CNTN5: variants seen among roughly 807,000 people sequenced by gnomAD.
CNTN5 encodes contactin 5.
Under a neutral mutation model 129.1 loss-of-function variants are expected in CNTN5, and 77 were observed. The observed-to-expected ratio is 0.60, with a 90% CI of 0.50 to 0.72. The LOEUF is 0.72. Among genes scored for constraint, CNTN5 ranks in the 30% least tolerant of loss-of-function variants. The probability of loss-of-function intolerance (pLI) is 0.00; values close to 1 mark genes in which losing one functional copy is unlikely to be tolerated. For missense variants in CNTN5, 1,478 were observed against 1,328.8 expected (o/e 1.11, Z -1.75); for synonymous variants, 509 against 465.6 (o/e 1.09, Z -1.20).
chr11:99,246,520 G>C (rs1306959802), intron 1 of CNTN5, among the ~76,000 whole-genome samples: 1 of 152,098 alleles, frequency 6.6e-6, no homozygotes, highest in Non-Finnish European at 1.5e-5. Context: ...CAAGTTCCTA[G>C]GTTGCAGCTA....
chr11:99,233,249 G>A (rs184242394), intron 1 of CNTN5, among the ~76,000 whole-genome samples: 1 of 152,228 alleles, frequency 6.6e-6, no homozygotes, highest in Non-Finnish European at 1.5e-5. Flanking sequence ...TTGGTGCTAA[G>A]GAATAATTAT....
intron 13 of CNTN5, among the ~76,000 whole-genome samples, chr11:100,137,356 CTATT>C (rs1320868361): frequency 1.3e-5 from 2 of 152,008 alleles, no homozygotes; most frequent in African/African-American, 4.8e-5. Context: ...ATACCAGAAA[CTATT>C]TATTCAACTA....
intron 3 of CNTN5, among the ~76,000 whole-genome samples, chr11:99,754,166 A>G (rs1431113463): frequency 6.6e-6 from 1 of 152,136 alleles, no homozygotes; most frequent in Non-Finnish European, 1.5e-5. Flanking sequence ...GTGTATCTTC[A>G]TTGATGATTG....
rs1334479574 is a variant in CNTN5 at position 99,531,035 on chromosome 11, C to T, written c.-70-25110C>T. Among the ~76,000 whole-genome samples the T allele has an allele frequency of 4.6e-5, 7 of 152,312 alleles. No individual in the cohort carries two copies. The South Asian group carries it at 1.2e-3, about 27-fold the overall frequency. On this transcript the variant is annotated intron_variant, in intron 2 of 24. Transcript: ENST00000524871. Reference sequence around the variant, plus strand: ...ACTGGGTAACAGGCAGAGGCTGGAACAGTTTGGAAGGCTCAGAAGAAGACA... The same window carrying T: ...ACTGGGTAACAGGCAGAGGCTGGAATAGTTTGGAAGGCTCAGAAGAAGACA...
intron 3 of CNTN5, among the ~76,000 whole-genome samples, chr11:99,599,335 C>T (rs973735185): frequency 1.3e-5 from 2 of 151,790 alleles, no homozygotes; most frequent in African/African-American, 2.4e-5. Flanking sequence ...GAGAAGAGAA[C>T]GATTTTCTGA....
At chr11:99,131,780 C>G (rs527322093) in intron 1 of CNTN5, among the ~76,000 whole-genome samples, 2 of 152,182 alleles carry the variant, frequency 1.3e-5, no homozygotes, top group South Asian at 4.2e-4. Context: ...TCAAAAAAAG[C>G]CCAGGCCCAG....
chr11:99,858,171 C>A (rs1309202925), intron 6 of CNTN5, among the ~76,000 whole-genome samples: 4 of 152,076 alleles, frequency 2.6e-5, no homozygotes, highest in African/African-American at 9.7e-5. Flanking sequence ...AATTGTCTTT[C>A]CTAGCTCACA....
intron 6 of CNTN5, among the ~76,000 whole-genome samples, chr11:99,870,856 G>A (rs1948487173): frequency 6.6e-6 from 1 of 151,930 alleles, no homozygotes; most frequent in Admixed American, 6.6e-5. Context: ...GAGAGGTTTT[G>A]TCTGATTTCT....
intron 15 of CNTN5, 87 bp downstream of exon 15, chr11:100,193,750 T>TAA: frequency 1.9e-6 from 2 of 1,071,590 alleles, no homozygotes; most frequent in South Asian, 1.7e-5. Flanking sequence ...TATGAAGTGC[T>TAA]AAGAAAAAAA....
intron 6 of CNTN5, 22 bp downstream of exon 6, chr11:99,845,284 T>A: frequency 6.6e-7 from 1 of 1,520,510 alleles, no homozygotes; most frequent in Non-Finnish European, 9.0e-7. Context: ...ATATGATTTT[T>A]CTATATATAT....
In CNTN5 at chr11:99,379,027, A is replaced by G. The variant is rs1006924599; in HGVS notation, c.-71+53543A>G. 3.3e-5 allele frequency among the ~76,000 whole-genome samples: 5 copies of G among 152,036 alleles called. No homozygotes were observed. The East Asian group carries it at 9.6e-4, about 29-fold the overall frequency. Reference sequence around the variant, plus strand: ...ATATTCAATAAAATACATACATAAAATAGCACTCATCTCTATGCCTATTGC... The same window carrying G: ...ATATTCAATAAAATACATACATAAAGTAGCACTCATCTCTATGCCTATTGC... On this transcript the variant is annotated intron_variant, in intron 2 of 24. Transcript: ENST00000524871.
intron 6 of CNTN5, among the ~76,000 whole-genome samples, chr11:99,893,551 T>A (rs1949121308): frequency 6.6e-6 from 1 of 152,154 alleles, no homozygotes; most frequent in Non-Finnish European, 1.5e-5. Flanking sequence ...CAATAATACC[T>A]AAAGCACTGC....
chr11:99,428,877 C>G (rs930336575), intron 2 of CNTN5, among the ~76,000 whole-genome samples: 3 of 151,930 alleles, frequency 2.0e-5, no homozygotes, highest in Non-Finnish European at 1.5e-5. Flanking sequence ...CTTTAAGGTT[C>G]AATAAATCAG....
chr11:99,586,172 C>T (rs2851594), intron 3 of CNTN5, among the ~76,000 whole-genome samples: 2 of 151,826 alleles, frequency 1.3e-5, no homozygotes, highest in Non-Finnish European at 2.9e-5. Flanking sequence ...CTCTTTCAAC[C>T]CATCCTGAAA....
chr11:99,028,755 A>G (rs1163178303), intron 1 of CNTN5, among the ~76,000 whole-genome samples: 2 of 152,036 alleles, frequency 1.3e-5, no homozygotes, highest in African/African-American at 4.8e-5. Flanking sequence ...TGCCATTTCT[A>G]TATGTTATAA....
chr11:99,202,140 TTGTA>T (rs1459634384), intron 1 of CNTN5, among the ~76,000 whole-genome samples: 1 of 152,238 alleles, frequency 6.6e-6, no homozygotes. Flanking sequence ...TAGACTTCTT[TTGTA>T]TTTCCTTTGA....
At chr11:99,025,887 C>T (rs574046890) in intron 1 of CNTN5, among the ~76,000 whole-genome samples, 18 of 151,432 alleles carry the variant, frequency 1.2e-4, no homozygotes, top group Middle Eastern at 3.4e-3. Context: ...TGAAATTAAA[C>T]GAAATATAAA....
intron 3 of CNTN5, among the ~76,000 whole-genome samples, chr11:99,798,933 A>G (rs1946031377): frequency 6.6e-6 from 1 of 152,032 alleles, no homozygotes; most frequent in Non-Finnish European, 1.5e-5. Flanking sequence ...GTCATCTATG[A>G]TTTCTCTTAG....
intron 3 of CNTN5, among the ~76,000 whole-genome samples, chr11:99,590,684 G>C (rs1325884374): frequency 1.3e-5 from 2 of 152,140 alleles, no homozygotes; most frequent in African/African-American, 2.4e-5. Context: ...GGCTATGGCA[G>C]GAAAGAGTTT....
Sources: gnomAD v4.1 joint callset for allele counts (sites outside exome capture counted in the v4.1 genomes callset) on GRCh38, gnomAD v4.1.1 for gene constraint, MANE v1.5 for transcripts, NCBI Gene and HGNC (gene_info 2026-07-23, HGNC 2026-07-21) for gene names.